TCEA1: variants seen among roughly 807,000 people sequenced by gnomAD.
TCEA1 encodes the protein transcription elongation factor A protein 1.
In TCEA1, 21 loss-of-function variants were observed where a neutral mutation model predicts 43.8. That is an observed-to-expected ratio of 0.48 (90% confidence interval 0.34 to 0.69). The LOEUF is 0.69. TCEA1 is among the 30% of genes least tolerant of loss of function. The pLI, the probability that TCEA1 is intolerant of heterozygous loss-of-function variation, is 0.01. For missense variants in TCEA1, 250 were observed against 365.1 expected (o/e 0.68, Z 2.57); for synonymous variants, 104 against 117.5 (o/e 0.88, Z 0.75).
At position 53,983,917 on chromosome 8, in the gene TCEA1, T is replaced by A. The variant is rs928864912; in HGVS notation, c.678+446A>T. On this transcript the variant is annotated intron_variant, in intron 7 of 9. Transcript: ENST00000521604. ...GAGTTCGAGACCAGCCTGACCAACA[T>A]GAAGAAACCCTGTCTCTACTAAAAA... 5.9e-5 allele frequency among the ~76,000 whole-genome samples: 9 copies of A among 152,226 alleles called. No individual in the cohort carries two copies. In the South Asian group the frequency reaches 1.7e-3, roughly 28 times the overall value.
At chr8:53,986,929 T>C in intron 6 of TCEA1, 40 bp downstream of exon 6, 1 of 1,481,062 alleles carries the variant, frequency 6.8e-7, no homozygotes, top group Non-Finnish European at 9.1e-7. Flanking sequence ...AAATATTACT[T>C]ATTAAAAAAA....
chr8:53,982,935 T>C (rs972489133), intron 7 of TCEA1, among the ~76,000 whole-genome samples: 14 of 152,234 alleles, frequency 9.2e-5, no homozygotes, highest in Non-Finnish European at 1.8e-4. Context: ...GGATAAATGC[T>C]ATTAAACAGC....
In TCEA1 at chr8:54,016,618, C is replaced by A. The variant is rs146617971; in HGVS notation, c.63+5445G>T. On this transcript the variant is annotated intron_variant, in intron 1 of 9. Transcript: ENST00000521604. ...CTTTGGGAGGCTGAAGCGGGTAGATCACCTGAGATCAGGAGTTCTAGACCA... is the reference window on the plus strand; with the variant it reads ...CTTTGGGAGGCTGAAGCGGGTAGATAACCTGAGATCAGGAGTTCTAGACCA... 4.8e-3 allele frequency among the ~76,000 whole-genome samples: 734 copies of A among 152,030 alleles called. 3 individuals carry two copies. The highest frequency in any genetic ancestry group is 0.016 in the African/African-American group (649 of 41,448).
chr8:54,002,821 T>C, intron 2 of TCEA1: 1 of 449,356 alleles, frequency 2.2e-6, no homozygotes, highest in Non-Finnish European at 4.5e-6. Context: ...CGTGAAACTC[T>C]AGCAGATAAA....
At chr8:53,968,810 A>C (rs1803067804) in intron 9 of TCEA1, among the ~76,000 whole-genome samples, 1 of 152,204 alleles carries the variant, frequency 6.6e-6, no homozygotes, top group African/African-American at 2.4e-5. Context: ...AAGATCCATC[A>C]TGCAAAACAA....
In TCEA1 at chr8:54,022,399, T is replaced by A. The variant is rs934192457; in HGVS notation, c.-274A>T. On this transcript the variant is annotated 5_prime_UTR_variant, in exon 1 of 10. The change abolishes an upstream ATG in the 5' untranslated region. Transcript: ENST00000521604. ...AGATCGCTGGTGAGGGGCGAGCCCA[T>A]GTTCCCGCCAGGCGGGCGTCGGGCT... 3 of 497,374 alleles carry A rather than the reference T, an allele frequency of 6.0e-6. No individual in the cohort carries two copies. The highest frequency in any genetic ancestry group is 4.1e-5 in the Admixed American group (1 of 24,592). The allele number at this position is 497,374 out of a possible 1,614,324, so 30.8% of individuals were successfully genotyped here. A position where few individuals can be genotyped will look rare whatever the true frequency, so the allele number is the denominator to read the frequency against.
intron 3 of TCEA1, 59 bp downstream of exon 3, chr8:53,999,886 A>G (rs181906401): frequency 8.6e-7 from 1 of 1,160,048 alleles, no homozygotes; most frequent in Admixed American, 2.0e-5. Flanking sequence ...AAATGTAACC[A>G]TTAACTATTT....
chr8:53,978,941 T>C, intron 8 of TCEA1, 84 bp downstream of exon 8: 1 of 1,438,108 alleles, frequency 7.0e-7, no homozygotes, highest in Non-Finnish European at 9.4e-7. Context: ...ACTATCATAC[T>C]GGTAATTATC....
chr8:54,006,209 C>T (rs939343427), intron 2 of TCEA1, among the ~76,000 whole-genome samples: 1 of 152,288 alleles, frequency 6.6e-6, no homozygotes, highest in South Asian at 2.1e-4. Context: ...TCTTTGGGTA[C>T]CTACATCTTT....
chr8:53,973,464 G>A, intron 8 of TCEA1: 2 of 502,194 alleles, frequency 4.0e-6, no homozygotes, highest in Non-Finnish European at 3.8e-6. Context: ...CCAGTACTTT[G>A]CTAAAGAAGT....
chr8:54,001,625 G>A (rs185341690), intron 2 of TCEA1, among the ~76,000 whole-genome samples: 4 of 152,222 alleles, frequency 2.6e-5, no homozygotes, highest in South Asian at 2.1e-4. Flanking sequence ...TGACACAAAC[G>A]TGCAAAAAAA....
In TCEA1 at chr8:54,013,674, C is replaced by T. The variant is rs145229671; in HGVS notation, c.64-3182G>A. Among the ~76,000 whole-genome samples the T allele has an allele frequency of 4.4e-3, 459 of 103,310 alleles. 3 individuals carry two copies. The highest frequency in any genetic ancestry group is 0.017 in the African/African-American group (444 of 25,776). 67.8% of individuals were successfully genotyped at this position (103,310 alleles called of 152,430 possible). On this transcript the variant is annotated intron_variant, in intron 1 of 9. Transcript: ENST00000521604. ...CCAACCTGGACGATAGAGCAAAACT[C>T]CATCTCAAAAAAAAAAAAAAAAAAA...
At chr8:54,013,680 C>CAAAAAAAAAAAAAAAAAA (rs5891511) in intron 1 of TCEA1, among the ~76,000 whole-genome samples, 2 of 65,302 alleles carry the variant, frequency 3.1e-5, no homozygotes, top group African/African-American at 5.4e-5. Context: ...AACTCCATCT[C>CAAAAAAAAAAAAAAAAAA]AAAAAAAAAA....
intron 3 of TCEA1, among the ~76,000 whole-genome samples, chr8:53,995,374 G>A (rs1034963459): frequency 2.2e-4 from 33 of 151,108 alleles, no homozygotes; most frequent in South Asian, 1.7e-3. Context: ...CAGGAGGAAC[G>A]CTTGAGCCCA....
chr8:53,993,662 A>C lies in TCEA1; in HGVS notation c.320+6T>G. 14 of 1,607,142 alleles carry C rather than the reference A, an allele frequency of 8.7e-6. No homozygotes were observed. The highest frequency in any genetic ancestry group is 1.2e-5 in the Non-Finnish European group (14 of 1,175,522). On this transcript the variant is annotated splice_donor_region_variant and intron_variant, in intron 4 of 9. Transcript: ENST00000521604. Reference sequence around the variant, plus strand: ...AATATAAATATATGTCTATACTGTGAAGTACCTTTCTTCTCTTGCCTCAGG... The same window carrying C: ...AATATAAATATATGTCTATACTGTGCAGTACCTTTCTTCTCTTGCCTCAGG...
At chr8:54,015,548 A>G (rs1425855372) in intron 1 of TCEA1, among the ~76,000 whole-genome samples, 1 of 152,204 alleles carries the variant, frequency 6.6e-6, no homozygotes, top group East Asian at 1.9e-4. Flanking sequence ...AGGACTTATG[A>G]TATTACTATG....
intron 2 of TCEA1, among the ~76,000 whole-genome samples, chr8:54,002,133 C>T (rs1464564293): frequency 3.3e-5 from 5 of 151,358 alleles, no homozygotes; most frequent in East Asian, 1.9e-4. Context: ...CACACCACTG[C>T]GCTCCAGCTT....
chr8:53,999,702 C>A, intron 3 of TCEA1: 1 of 397,928 alleles, frequency 2.5e-6, no homozygotes, highest in Non-Finnish European at 4.5e-6. Context: ...GAAAATTCTT[C>A]TTACTGAAAG....
chr8:53,997,726 CTG>C lies in TCEA1; in HGVS notation c.232+2217_232+2218del, dbSNP rs1262883422. Among the ~76,000 whole-genome samples the C allele has an allele frequency of 3.9e-4, 59 of 152,204 alleles. 1 individual carries two copies. Among genetic ancestry groups the C allele is most frequent in the Admixed American group, 3.9e-3 (59 of 15,270 alleles). ...CCAGCCTTAGCAACATAGTGAGACTCTGTCTCAAATTAGTAAATAAATAACAA... is the reference window on the plus strand; with the variant it reads ...CCAGCCTTAGCAACATAGTGAGACTCTCTCAAATTAGTAAATAAATAACAA... On this transcript the variant is annotated intron_variant, in intron 3 of 9. Transcript: ENST00000521604.
Sources: gnomAD v4.1 joint callset for allele counts (sites outside exome capture counted in the v4.1 genomes callset) on GRCh38, gnomAD v4.1.1 for gene constraint, MANE v1.5 for transcripts, NCBI Gene and HGNC (gene_info 2026-07-23, HGNC 2026-07-21) for gene names.